ACER3: variants seen among roughly 807,000 people sequenced by gnomAD.
ACER3 encodes alkCDase 3.
In ACER3, 16 loss-of-function variants were observed where a neutral mutation model predicts 48.9. That is an observed-to-expected ratio of 0.33 (90% confidence interval 0.22 to 0.50). The LOEUF (loss-of-function observed/expected upper bound fraction) is 0.50, where lower values mean the gene tolerates loss of function less well. Among genes scored for constraint, ACER3 ranks in the 20% least tolerant of loss-of-function variants. The pLI, the probability that ACER3 is intolerant of heterozygous loss-of-function variation, is 0.98. For synonymous variants in ACER3, 109 were observed against 107.8 expected, an observed-to-expected ratio of 1.01 and a Z score of -0.07; for missense variants, 227 against 326.0, an observed-to-expected ratio of 0.70 and a Z score of 2.34.
At chr11:77,017,442 A>G (rs1949392900) in intron 9 of ACER3, among the ~76,000 whole-genome samples, 1 of 152,226 alleles carries the variant, frequency 6.6e-6, no homozygotes, top group African/African-American at 2.4e-5. Flanking sequence ...ACCTCTAACT[A>G]GGTCAAAACA....
At chr11:77,005,989 A>ATT (rs1353902634) in intron 7 of ACER3, among the ~76,000 whole-genome samples, 3 of 93,900 alleles carry the variant, frequency 3.2e-5, no homozygotes, top group African/African-American at 1.3e-4. Context: ...ATATATATAT[A>ATT]TATTTTTTTT....
At chr11:76,924,085 G>T (rs560903054) in intron 1 of ACER3, among the ~76,000 whole-genome samples, 6 of 152,014 alleles carry the variant, frequency 3.9e-5, no homozygotes, top group Non-Finnish European at 7.4e-5. Flanking sequence ...CCAAGGTCCC[G>T]CTGGGTACTC....
At chr11:76,988,526 T>C (rs1432707010) in intron 5 of ACER3, among the ~76,000 whole-genome samples, 1 of 152,052 alleles carries the variant, frequency 6.6e-6, no homozygotes, top group East Asian at 1.9e-4. Context: ...AGAAGCTCCT[T>C]ATAAAACCAT....
At chr11:77,017,594 A>G (rs782092753) in intron 9 of ACER3, among the ~76,000 whole-genome samples, 5 of 152,214 alleles carry the variant, frequency 3.3e-5, no homozygotes, top group Admixed American at 6.5e-5. Context: ...TTCCAAAGGC[A>G]TTTTTTTACA....
chr11:76,936,579 C>G (rs775098148), intron 2 of ACER3, among the ~76,000 whole-genome samples: 2 of 151,912 alleles, frequency 1.3e-5, no homozygotes, highest in African/African-American at 4.8e-5. Context: ...ATAACATTTA[C>G]GTTGTATTAA....
rs1205443504 is a variant in ACER3, at chr11:77,020,547, C to T, written c.*220C>T. 1.2e-5 allele frequency: 6 copies of T among 518,472 alleles called. No individual in the cohort carries two copies. The highest frequency in any genetic ancestry group is 2.4e-5 in the South Asian group (1 of 42,204). The allele number at this position is 518,472 out of a possible 1,614,324, so 32.1% of individuals were successfully genotyped here. A position where few individuals can be genotyped will look rare whatever the true frequency, so the allele number is the denominator to read the frequency against. ...TATTTGTCCCCCTCCTCCTTTCACG[C>T]TCCAGTTTATAAAGAAACAGAGATG... is the stretch of plus-strand genomic sequence containing the variant. On this transcript the variant is annotated 3_prime_UTR_variant, in exon 11 of 11. Coordinates refer to ENST00000532485, the MANE Select transcript of ACER3 (RefSeq NM_018367.7).
At chr11:76,944,577 A>G (rs1947427898) in intron 2 of ACER3, among the ~76,000 whole-genome samples, 1 of 152,014 alleles carries the variant, frequency 6.6e-6, no homozygotes, top group African/African-American at 2.4e-5. Flanking sequence ...GTCTGCTGTT[A>G]GTTTGATGGG....
intron 1 of ACER3, among the ~76,000 whole-genome samples, chr11:76,873,153 C>G (rs980358890): frequency 6.6e-5 from 10 of 151,982 alleles, no homozygotes; most frequent in Non-Finnish European, 1.5e-4. Flanking sequence ...CTCCTGGCCT[C>G]AAGCGATCCT....
chr11:77,016,415 T>C (rs1949370658), intron 8 of ACER3, among the ~76,000 whole-genome samples: 1 of 152,182 alleles, frequency 6.6e-6, no homozygotes, highest in Non-Finnish European at 1.5e-5. Flanking sequence ...AATGACATAG[T>C]ATCTGGGATT....
At chr11:76,913,309 C>A (rs1194098933) in intron 1 of ACER3, among the ~76,000 whole-genome samples, 1 of 152,124 alleles carries the variant, frequency 6.6e-6, no homozygotes, top group African/African-American at 2.4e-5. Flanking sequence ...ATCACGTCAT[C>A]TGCAAACAGG....
At chr11:77,014,907 T>C (rs1949338313) in intron 7 of ACER3, 109 bp from the exon 8 acceptor site, 5 of 696,344 alleles carry the variant, frequency 7.2e-6, no homozygotes, top group South Asian at 3.2e-5. Flanking sequence ...CTGGGCAACA[T>C]AGTGAGATCC....
intron 1 of ACER3, among the ~76,000 whole-genome samples, chr11:76,908,851 T>C (rs11237006): frequency 0.59 from 89,986 of 151,732 alleles, 28,904 homozygotes; most frequent in Non-Finnish European, 0.74. Context: ...GGAGGCATCA[T>C]TCTACCTGAC....
intron 7 of ACER3, among the ~76,000 whole-genome samples, chr11:77,014,228 T>A (rs1265948827): frequency 5.3e-5 from 8 of 152,230 alleles, no homozygotes; most frequent in African/African-American, 1.9e-4. Flanking sequence ...AAAATAATAA[T>A]ACCTGCCTCA....
At chr11:77,012,131 G>A (rs572935475) in intron 7 of ACER3, among the ~76,000 whole-genome samples, 5 of 152,104 alleles carry the variant, frequency 3.3e-5, no homozygotes, top group South Asian at 2.1e-4. Flanking sequence ...AAAAAAAGCC[G>A]TTAGAGAGCC....
intron 1 of ACER3, among the ~76,000 whole-genome samples, chr11:76,864,596 A>ATTTCTTT (rs1945025292): frequency 1.0e-5 from 1 of 99,926 alleles, no homozygotes; most frequent in East Asian, 3.1e-4. Context: ...TGGAATGGGT[A>ATTTCTTT]TTTTTTTTTT....
At chr11:76,981,726 TTC>T (rs1362560671) in intron 4 of ACER3, among the ~76,000 whole-genome samples, 3 of 152,244 alleles carry the variant, frequency 2.0e-5, no homozygotes, top group African/African-American at 7.2e-5. Context: ...GATGAATATA[TTC>T]ATGTATGTTG....
At chr11:76,945,554 G>T (rs1947450688) in intron 2 of ACER3, among the ~76,000 whole-genome samples, 1 of 152,060 alleles carries the variant, frequency 6.6e-6, no homozygotes, top group African/African-American at 2.4e-5. Flanking sequence ...TTTGCTGGGG[G>T]CTTGGACACC....
At chr11:76,867,699 T>C (rs1945131855) in intron 1 of ACER3, among the ~76,000 whole-genome samples, 1 of 152,150 alleles carries the variant, frequency 6.6e-6, no homozygotes, top group Non-Finnish European at 1.5e-5. Flanking sequence ...AAAAAATACA[T>C]GAAAATTCCC....
At chr11:77,016,070 G>A (rs1010232199) in intron 8 of ACER3, among the ~76,000 whole-genome samples, 1 of 144,370 alleles carries the variant, frequency 6.9e-6, no homozygotes, top group Non-Finnish European at 1.5e-5. Context: ...TCGTGCTACT[G>A]TACTCCAGCC....
Sources: allele counts gnomAD v4.1 joint callset (sites outside exome capture counted in the v4.1 genomes callset), GRCh38; gene constraint gnomAD v4.1.1; transcripts MANE v1.5; gene names NCBI Gene and HGNC (gene_info 2026-07-23, HGNC 2026-07-21).